Variants in RAB6B observed in about 807,000 individuals in gnomAD.
RAB6B encodes the protein ras-related protein Rab-6B.
Under a neutral mutation model 31.2 loss-of-function variants are expected in RAB6B, and 7 were observed. The ratio of observed to expected loss-of-function variants is 0.22; its 90% CI spans 0.13 to 0.42. The LOEUF (loss-of-function observed/expected upper bound fraction) is 0.42. RAB6B is among the 10% of genes least tolerant of loss of function. The pLI is 1.00. For synonymous variants in RAB6B, 105 were observed against 104.9 expected, an observed-to-expected ratio of 1.00 and a Z score of -0.01; for missense variants, 149 against 280.6, an observed-to-expected ratio of 0.53 and a Z score of 3.35.
chr3:133,858,718 G>A (rs1380369680), intron 2 of RAB6B, among the ~76,000 whole-genome samples: 1 of 152,190 alleles, frequency 6.6e-6, no homozygotes, highest in Admixed American at 6.5e-5. Flanking sequence ...GGAATTTTGA[G>A]GAGACACAAT....
chr3:133,889,426 A>ATC (rs1559915478), intron 1 of RAB6B, among the ~76,000 whole-genome samples: 2 of 63,964 alleles, frequency 3.1e-5, no homozygotes, highest in African/African-American at 1.1e-4. Flanking sequence ...ATATATATAT[A>ATC]TATATATATA....
intron 7 of RAB6B, among the ~76,000 whole-genome samples, chr3:133,832,364 G>A (rs944453651): frequency 7.9e-5 from 12 of 152,036 alleles, no homozygotes; most frequent in African/African-American, 1.7e-4. Context: ...TGTCTCGAAC[G>A]TGAAGAAGAG....
intron 1 of RAB6B, among the ~76,000 whole-genome samples, chr3:133,886,086 C>G (rs573617984): frequency 1.3e-5 from 2 of 152,156 alleles, no homozygotes; most frequent in Non-Finnish European, 2.9e-5. Flanking sequence ...CCTTCTCCCC[C>G]ACTATTTCTC....
intron 4 of RAB6B, among the ~76,000 whole-genome samples, chr3:133,839,985 C>T (rs1403013892): frequency 2.0e-5 from 3 of 149,208 alleles, no homozygotes; most frequent in Non-Finnish European, 3.0e-5. Context: ...CGTGTGTGTG[C>T]ATACACACAC....
At position 133,864,675 on chromosome 3, in the gene RAB6B, A is replaced by G. The variant is rs533408913; in HGVS notation, c.71-33T>C. On this transcript the variant is annotated intron_variant, in intron 1 of 7. Coordinates refer to ENST00000285208, the MANE Select transcript of RAB6B (RefSeq NM_016577.4). ...ACAACAAGGAGAGAGGTGTTCAGTC[A>G]TGGCATCTGAGCTAGGCTCTTCTAA... 3 of 1,589,272 alleles carry G rather than the reference A, an allele frequency of 1.9e-6. No homozygotes were observed. In the African/African-American group the frequency reaches 4.0e-5, roughly 21 times the overall value.
At chr3:133,881,689 G>C (rs1464297453) in intron 1 of RAB6B, among the ~76,000 whole-genome samples, 1 of 152,212 alleles carries the variant, frequency 6.6e-6, no homozygotes, top group Non-Finnish European at 1.5e-5. Context: ...AGAACACAAA[G>C]ACAGAACAGG....
intron 1 of RAB6B, among the ~76,000 whole-genome samples, chr3:133,878,225 C>T (rs1367777115): frequency 6.6e-6 from 1 of 152,044 alleles, no homozygotes. Context: ...AAGGAAATTA[C>T]AGCAAGGCAC....
chr3:133,839,722 C>G, intron 4 of RAB6B, 105 bp from the exon 5 acceptor site: 1 of 821,454 alleles, frequency 1.2e-6, no homozygotes, highest in South Asian at 1.4e-5. Context: ...GAGCATGTGC[C>G]CTCAGATACC....
rs1173473840 is a variant in RAB6B at position 133,827,855 on chromosome 3, ACT to A, written c.*931_*932del. 2 of 646,734 alleles carry A rather than the reference ACT, an allele frequency of 3.1e-6. No individual in the cohort carries two copies. The highest frequency in any genetic ancestry group is 5.6e-6 in the Non-Finnish European group (2 of 355,536). 40.1% of individuals were successfully genotyped at this position (646,734 alleles called of 1,614,324 possible). ...GATGGCACACTGCCCAACATCACACACTGAGTTTCTTAGACTTGGCCCAGGCA... is the reference window on the plus strand; with the variant it reads ...GATGGCACACTGCCCAACATCACACAGAGTTTCTTAGACTTGGCCCAGGCA... On this transcript the variant is annotated 3_prime_UTR_variant, in exon 8 of 8. Transcript: ENST00000285208.
chr3:133,878,569 C>T (rs1439371335), intron 1 of RAB6B, among the ~76,000 whole-genome samples: 1 of 152,080 alleles, frequency 6.6e-6, no homozygotes, highest in Non-Finnish European at 1.5e-5. Flanking sequence ...TGAAATGAAA[C>T]CAGATGGAAA....
intron 1 of RAB6B, among the ~76,000 whole-genome samples, chr3:133,870,510 G>A (rs1375736467): frequency 6.6e-6 from 1 of 152,158 alleles, no homozygotes; most frequent in African/African-American, 2.4e-5. Context: ...AGAATGGGGA[G>A]GAGAGCAGGG....
chr3:133,833,860 C>G (rs537075369), intron 7 of RAB6B, among the ~76,000 whole-genome samples: 12 of 152,322 alleles, frequency 7.9e-5, no homozygotes, highest in African/African-American at 2.9e-4. Flanking sequence ...ATGGCTTCCC[C>G]TGCTGAAACA....
At chr3:133,838,391 C>T in intron 5 of RAB6B, 132 bp from the exon 6 acceptor site, 1 of 788,456 alleles carries the variant, frequency 1.3e-6, no homozygotes, top group Middle Eastern at 2.4e-4. Context: ...AGGCTCTGAT[C>T]CCAAGGGTCC....
Position 133,895,426 on chromosome 3 carries a change from A to G in RAB6B, c.41T>C (p.Phe14Ser), listed in dbSNP as rs1359106322. The G allele has an allele frequency of 6.2e-7, 1 of 1,611,122 alleles. No individual in the cohort carries two copies. The highest frequency in any genetic ancestry group is 1.3e-5 in the African/African-American group (1 of 74,748). Reference protein sequence around the residue: ...GGDFGNPLRKFKLVFLGEQSV... With the variant: ...GGDFGNPLRKSKLVFLGEQSV... ...CTGCTCCCCCAAGAACACCAACTTGAATTTTCTCAGTGGATTCCCAAAATC... is the reference window on the plus strand; with the variant it reads ...CTGCTCCCCCAAGAACACCAACTTGGATTTTCTCAGTGGATTCCCAAAATC... The change falls in exon 1 of 8, where the codon TTC becomes TCC. Residue 14 changes from phenylalanine (F) to serine (S), a missense_variant. Transcript: ENST00000285208.
chr3:133,824,843 T>C lies in RAB6B; in HGVS notation c.*3945A>G, dbSNP rs995582487. 1 of 152,124 alleles carries C rather than the reference T, an allele frequency of 6.6e-6. No homozygotes were observed. The highest frequency in any genetic ancestry group is 2.4e-5 in the African/African-American group (1 of 41,414). 9.4% of individuals were successfully genotyped at this position (152,124 alleles called of 1,614,324 possible). On this transcript the variant is annotated 3_prime_UTR_variant, in exon 8 of 8. Transcript: ENST00000285208. Reference sequence around the variant, plus strand: ...AGCAGTCCTTGCTGTGTAATAAATATGGAGTCACATTTGTTCACACACAGG... The same window carrying C: ...AGCAGTCCTTGCTGTGTAATAAATACGGAGTCACATTTGTTCACACACAGG...
chr3:133,879,181 G>A (rs938485607), intron 1 of RAB6B, among the ~76,000 whole-genome samples: 6 of 152,216 alleles, frequency 3.9e-5, no homozygotes, highest in Admixed American at 3.3e-4. Flanking sequence ...GAATCTGGGT[G>A]AAAGGCATAT....
chr3:133,893,688 T>C (rs1001411466), intron 1 of RAB6B, among the ~76,000 whole-genome samples: 1 of 152,174 alleles, frequency 6.6e-6, no homozygotes, highest in Non-Finnish European at 1.5e-5. Context: ...AGCAACCATT[T>C]TTCAGAGACA....
At chr3:133,845,804 C>A (rs747836860) in intron 2 of RAB6B, among the ~76,000 whole-genome samples, 3 of 152,012 alleles carry the variant, frequency 2.0e-5, no homozygotes, top group African/African-American at 7.3e-5. Context: ...AAAAACTCAA[C>A]AGACCCCTAC....
chr3:133,857,133 T>C (rs75066896), intron 2 of RAB6B, among the ~76,000 whole-genome samples: 2,012 of 152,274 alleles, frequency 0.013, 19 homozygotes, highest in Non-Finnish European at 0.02. Flanking sequence ...TCTTGGTTTG[T>C]TGCAGGGTTT....
Sources: allele counts gnomAD v4.1 joint callset (sites outside exome capture counted in the v4.1 genomes callset), GRCh38; gene constraint gnomAD v4.1.1; transcripts MANE v1.5; gene names NCBI Gene and HGNC (gene_info 2026-07-23, HGNC 2026-07-21).